Variants in CUL7 observed in about 807,000 individuals in gnomAD.
The protein encoded by CUL7 is cullin-7.
In CUL7, 96 loss-of-function variants were observed where a neutral mutation model predicts 177.7. The ratio of observed to expected loss-of-function variants is 0.54; its 90% CI spans 0.46 to 0.64. CUL7 has a LOEUF of 0.64. Ranked by LOEUF, CUL7 falls within the 30% of genes least tolerant of loss-of-function variation. The pLI is 0.00. For missense variants in CUL7, 1,893 were observed against 2,187.9 expected, an observed-to-expected ratio of 0.87 and a Z score of 2.69; for synonymous variants, 824 against 890.2, an observed-to-expected ratio of 0.93 and a Z score of 1.32.
intron 25 of CUL7, 118 bp downstream of exon 25, chr6:43,038,149 C>A: frequency 6.7e-7 from 1 of 1,488,068 alleles, no homozygotes; most frequent in South Asian, 1.2e-5. Context: ...ACTCCTCACA[C>A]TCCTACAGGC....
rs557754486 is a variant in CUL7 at position 43,040,818 on chromosome 6, C to A, written c.3807-72G>T. The A allele has an allele frequency of 7.9e-5, 126 of 1,603,392 alleles. No homozygotes were observed. In the African/African-American group the frequency reaches 1.5e-3, roughly 19 times the overall value. On this transcript the variant is annotated intron_variant, in intron 20 of 25. Transcript: ENST00000265348. The surrounding 1 kb of genome is among the most constrained non-coding windows in gnomAD (Gnocchi z 4.2). ...TGGCCCAGCCTCCCACTCCAAGGCT[C>A]CAGCCTGCCTCTATCCCAGACTTCC...
rs748661881 is a variant in CUL7 at position 43,037,859 on chromosome 6, C to T, written c.4926G>A (p.Gln1642=). 1.9e-6 allele frequency: 3 copies of T among 1,613,564 alleles called. No individual in the cohort carries two copies. The highest frequency in any genetic ancestry group is 2.7e-5 in the African/African-American group (2 of 74,884). The change falls in exon 26 of 26, where the codon CAG becomes CAA. Residue 1642 remains glutamine (Q), a synonymous_variant. Transcript: ENST00000265348. ...TCACAGGGACTGCATAGGACAGCAC[C>T]TGGGGCCGGTCGTCATGGCGTCTCA... is the stretch of plus-strand genomic sequence containing the variant. ...GTLRRHDDRP[Q]VLSYAVPVTV... is the part of the protein sequence containing the mutation.
In CUL7 at chr6:43,052,024, T is replaced by C. The variant is rs1374189814; in HGVS notation, c.580+185A>G. On this transcript the variant is annotated intron_variant, in intron 2 of 25. Coordinates refer to ENST00000265348, the MANE Select transcript of CUL7 (RefSeq NM_014780.5). The surrounding 1 kb of genome is among the most constrained non-coding windows in gnomAD (Gnocchi z 4.5). ...TGAGGTTCTTGAAGATAGTCTTTCC[T>C]CTTTTGGCAGATAACCCCCACCCTC... 1.8e-6 allele frequency: 2 copies of C among 1,135,818 alleles called. No individual in the cohort carries two copies. Among genetic ancestry groups the C allele is most frequent in the Non-Finnish European group, 2.5e-6 (2 of 811,128 alleles). The allele number at this position is 1,135,818 out of a possible 1,614,324, so 70.4% of individuals were successfully genotyped here.
rs372556236 is a variant in CUL7, at chr6:43,045,658, G to A, written c.2791C>T (p.Arg931Trp). ...GTCAGGTTCTCCAGGAGGATCACCC[G>A]GCTGGCAGAGGGCATCACATTCACC... ...NSVNVMPSASRVILLENLTRF... is the reference protein window; with the variant it reads ...NSVNVMPSASWVILLENLTRF... Residue 931 changes from arginine to tryptophan, a missense_variant, in exon 14 of 26, where the codon CGG (arginine) becomes TGG (tryptophan). Physicochemically the swap from Arg to Trp is moderately radical, Grantham distance 101. Coordinates refer to ENST00000265348, the MANE Select transcript of CUL7 (RefSeq NM_014780.5). The surrounding 1 kb of genome is among the most constrained non-coding windows in gnomAD (Gnocchi z 4.8). 3.3e-5 allele frequency: 53 copies of A among 1,614,070 alleles called. No homozygotes were observed. Among genetic ancestry groups the A allele is most frequent in the Non-Finnish European group, 4.2e-5 (50 of 1,180,032 alleles).
At chr6:43,042,058 A>AG (rs1763475650) in intron 19 of CUL7, among the ~76,000 whole-genome samples, 5 of 148,802 alleles carry the variant, frequency 3.4e-5, no homozygotes, top group Non-Finnish European at 7.4e-5. Flanking sequence ...AAAGAAAGAG[A>AG]AAGAGAGAAA....
chr6:43,052,252 C>G lies in CUL7; in HGVS notation c.537G>C (p.Trp179Cys). 1 of 1,614,252 alleles carries G rather than the reference C, an allele frequency of 6.2e-7. No individual in the cohort carries two copies. The highest frequency in any genetic ancestry group is 8.5e-7 in the Non-Finnish European group (1 of 1,180,050). The change falls in exon 2 of 26, where the codon TGG becomes TGC. Residue 179 changes from tryptophan (W) to cysteine (C), a missense_variant. Trp to Cys is a radical substitution (Grantham distance 215). This residue lies in a region of CUL7 where 653 missense variants were observed against 725.2 expected (regional missense o/e 0.90). Coordinates refer to ENST00000265348, the MANE Select transcript of CUL7 (RefSeq NM_014780.5). This position sits in a 1 kb window ranked among gnomAD's most constrained non-coding sequence, Gnocchi z 4.5. Reference protein sequence around the residue: ...MLSSPDYQIRWSAGRMIQALS... With the variant: ...MLSSPDYQIRCSAGRMIQALS... ...GGGCTTGTATCATCCGGCCTGCACT[C>G]CAGCGAATCTGATAATCAGGACTAC...
chr6:43,045,956 G>T lies in CUL7; in HGVS notation c.2766+30C>A, dbSNP rs1317619709. 1.3e-6 allele frequency: 2 copies of T among 1,538,064 alleles called. No individual in the cohort carries two copies. Among genetic ancestry groups the T allele is most frequent in the South Asian group, 1.1e-5 (1 of 89,478 alleles). On this transcript the variant is annotated intron_variant, in intron 13 of 25. Coordinates refer to ENST00000265348, the MANE Select transcript of CUL7 (RefSeq NM_014780.5). The surrounding 1 kb of genome is among the most constrained non-coding windows in gnomAD (Gnocchi z 4.8). ...AGGAGGGCAGATCCTGTGAGGGGTG[G>T]AGTAATGGCTAATGGCCCTGGGGTC...
chr6:43,043,675 G>C lies in CUL7; in HGVS notation c.3173-45C>G. 7.5e-7 allele frequency: 1 copy of C among 1,327,544 alleles called. No homozygotes were observed. Among genetic ancestry groups the C allele is most frequent in the South Asian group, 1.2e-5 (1 of 80,562 alleles). The allele number at this position is 1,327,544 out of a possible 1,614,324, so 82.2% of individuals were successfully genotyped here. ...AACCAAGGCACAGCCATGTCTGCAGGGAAGTGGGAGTGGTTGGGCTGAACA... is the reference window on the plus strand; with the variant it reads ...AACCAAGGCACAGCCATGTCTGCAGCGAAGTGGGAGTGGTTGGGCTGAACA... On this transcript the variant is annotated intron_variant, in intron 16 of 25. Transcript: ENST00000265348. The surrounding 1 kb of genome is among the most constrained non-coding windows in gnomAD (Gnocchi z 4.2).
Position 43,043,475 on chromosome 6 carries a change from G to T in CUL7, c.3328C>A (p.Pro1110Thr). The T allele has an allele frequency of 1.2e-6, 2 of 1,614,020 alleles. No homozygotes were observed. Among genetic ancestry groups the T allele is most frequent in the Non-Finnish European group, 1.7e-6 (2 of 1,179,928 alleles). The change falls in exon 17 of 26, where the codon CCT (proline) becomes ACT (threonine). Residue 1110 changes from proline to threonine, a missense_variant. Transcript: ENST00000265348. The surrounding 1 kb of genome is among the most constrained non-coding windows in gnomAD (Gnocchi z 4.2). ...LVHVEPCEAP[P>T]PVVATPRPKG... ...GGCCGAGGAGTGGCCACCACAGGAG[G>T]GGGTGCCTCACAGGGCTCGACATGC...
In CUL7 at chr6:43,042,913, A is replaced by G. The variant is rs1417272122; in HGVS notation, c.3534T>C (p.Ile1178=). The change falls in exon 19 of 26, where the codon ATT becomes ATC. Residue 1178 remains isoleucine, a synonymous_variant. Coordinates refer to ENST00000265348, the MANE Select transcript of CUL7 (RefSeq NM_014780.5). The part of the protein sequence containing the change: ...FVPRYCEHFN[I]LQNSSSELFG... Reference sequence around the variant, plus strand: ...ACAGTTCAGAGCTTGAGTTCTGCAGAATATTAAAGTGCTCACAGTAGCGTG... The same window carrying G: ...ACAGTTCAGAGCTTGAGTTCTGCAGGATATTAAAGTGCTCACAGTAGCGTG... 6.2e-7 allele frequency: 1 copy of G among 1,614,144 alleles called. No homozygotes were observed. Among genetic ancestry groups the G allele is most frequent in the Non-Finnish European group, 8.5e-7 (1 of 1,180,008 alleles).
rs766174585 is a variant in CUL7, at chr6:43,052,814, AAG to A, written c.-8-20_-8-19del. Reference sequence around the variant, plus strand: ...CCTGGCACCTGGAGCACACAAGGAAAAGAGAACAGACAAGCTAGAGGAAGGAG... The same window carrying A: ...CCTGGCACCTGGAGCACACAAGGAAAAGAACAGACAAGCTAGAGGAAGGAG... On this transcript the variant is annotated intron_variant, in intron 1 of 25. Coordinates refer to ENST00000265348, the MANE Select transcript of CUL7 (RefSeq NM_014780.5). The surrounding 1 kb of genome is among the most constrained non-coding windows in gnomAD (Gnocchi z 4.5). 6.3e-7 allele frequency: 1 copy of A among 1,598,956 alleles called. No individual in the cohort carries two copies. The highest frequency in any genetic ancestry group is 1.1e-5 in the South Asian group (1 of 90,916).
Position 43,050,275 on chromosome 6 carries a change from T to C in CUL7, c.1357A>G (p.Arg453Gly). The change falls in exon 5 of 26, where the codon AGA becomes GGA. Residue 453 changes from arginine to glycine, a missense_variant. Physicochemically the swap from Arg to Gly is moderately radical, Grantham distance 125 (BLOSUM62 -2). Around this residue, in one of 5 missense-constraint regions of CUL7, gnomAD observed 653 missense variants for 725.2 expected, o/e 0.90. Coordinates refer to ENST00000265348, the MANE Select transcript of CUL7 (RefSeq NM_014780.5). This position sits in a 1 kb window ranked among gnomAD's most constrained non-coding sequence, Gnocchi z 4.1. ...CTGAGCTCACCTCTACCCAGGACTCTACTGGCCACTGCCCCTTGGTACTCA... is the reference window on the plus strand; with the variant it reads ...CTGAGCTCACCTCTACCCAGGACTCCACTGGCCACTGCCCCTTGGTACTCA... ...ADEYQGAVASRVLGRALPAWR... is the reference protein window; with the variant it reads ...ADEYQGAVASGVLGRALPAWR... The C allele has an allele frequency of 1.9e-6, 3 of 1,614,196 alleles. No individual in the cohort carries two copies. The highest frequency in any genetic ancestry group is 2.5e-6 in the Non-Finnish European group (3 of 1,180,024).
rs1764490138 is a variant in CUL7, at chr6:43,052,378, T to C, written c.411A>G (p.Leu137=). The C allele has an allele frequency of 6.2e-7, 1 of 1,614,206 alleles. No individual in the cohort carries two copies. Among genetic ancestry groups the C allele is most frequent in the Non-Finnish European group, 8.5e-7 (1 of 1,180,030 alleles). ...ECVGTIPPAP[L]LHTVHVLSAY... is the part of the protein sequence containing the mutation. The stretch of plus-strand genomic sequence containing the variant: ...CGCTGAGCACGTGGACAGTGTGAAG[T>C]AGAGGAGCAGGAGGGATAGTGCCCA... The change falls in exon 2 of 26, where the codon CTA becomes CTG. Residue 137 remains leucine (L), a synonymous_variant. Transcript: ENST00000265348. The surrounding 1 kb of genome is among the most constrained non-coding windows in gnomAD (Gnocchi z 4.5).
Position 43,052,901 on chromosome 6 carries a change from G to A in CUL7, c.-8-105C>T, listed in dbSNP as rs537522522. 893 of 1,258,402 alleles carry A rather than the reference G, an allele frequency of 7.1e-4. 7 individuals carry two copies. The South Asian group carries it at 9.7e-3, about 14-fold the overall frequency. The allele number at this position is 1,258,402 out of a possible 1,614,324, so 78.0% of individuals were successfully genotyped here. ...AAGCAAATGGCAACAGCTGTCAGGC[G>A]GGGTGGGGTAAAGCCAGGCCCAGGA... On this transcript the variant is annotated intron_variant, in intron 1 of 25. Coordinates refer to ENST00000265348, the MANE Select transcript of CUL7 (RefSeq NM_014780.5). The surrounding 1 kb of genome is among the most constrained non-coding windows in gnomAD (Gnocchi z 4.5).
At position 43,040,587 on chromosome 6, in the gene CUL7, C is replaced by T; in HGVS notation, c.3966G>A (p.Gln1322=). 1 of 1,614,238 alleles carries T rather than the reference C, an allele frequency of 6.2e-7. No homozygotes were observed. The highest frequency in any genetic ancestry group is 8.5e-7 in the Non-Finnish European group (1 of 1,180,044). ...KELQRQFHVY[Q]LQQLDQELLK... ...GGAGTTCCTGATCCAGCTGCTGGAG[C>T]TGGTAGACGTGGAACTGGCGCTGCA... is the stretch of plus-strand genomic sequence containing the variant. The change falls in exon 21 of 26, where the codon CAG becomes CAA. Residue 1322 remains glutamine (Q), a synonymous_variant. Coordinates refer to ENST00000265348, the MANE Select transcript of CUL7 (RefSeq NM_014780.5). The surrounding 1 kb of genome is among the most constrained non-coding windows in gnomAD (Gnocchi z 4.2).
chr6:43,051,123 G>T lies in CUL7; in HGVS notation c.1078C>A (p.Arg360Ser). The T allele has an allele frequency of 1.9e-6, 3 of 1,614,212 alleles. No individual in the cohort carries two copies. The highest frequency in any genetic ancestry group is 2.5e-6 in the Non-Finnish European group (3 of 1,180,050). ...GTATTGCCACTTGCGAACTCAGAAC[G>T]AGGGCGAAAACGTCTTGACCTCCTG... ...SFRRSRRFRP[R>S]SEFASGNTYA... Residue 360 changes from arginine to serine, a missense_variant, in exon 4 of 26, where the codon CGT becomes AGT. Physicochemically the swap from Arg to Ser is moderately radical, Grantham distance 110. Around this residue, in one of 5 missense-constraint regions of CUL7, gnomAD observed 653 missense variants for 725.2 expected, o/e 0.90. Transcript: ENST00000265348. The surrounding 1 kb of genome is among the most constrained non-coding windows in gnomAD (Gnocchi z 5.0).
At chr6:43,039,366 T>G (rs1286406366) in intron 22 of CUL7, among the ~76,000 whole-genome samples, 2 of 152,192 alleles carry the variant, frequency 1.3e-5, no homozygotes, top group African/African-American at 2.4e-5. Flanking sequence ...TGACCACAGG[T>G]CTGAGCCTCT....
chr6:43,046,540 A>C lies in CUL7; in HGVS notation c.2459T>G (p.Phe820Cys), dbSNP rs1353267088. ...GCACAGGTATCTGAGGAACACATCA[A>C]AGAAAGGGATGTTGATGGGTTGGTG... is the stretch of plus-strand genomic sequence containing the variant. The part of the protein sequence containing the change: ...RTHQPINIPF[F>C]DVFLRYLCQG... The change falls in exon 11 of 26, where the codon TTT (phenylalanine) becomes TGT (cysteine). Residue 820 changes from phenylalanine (F) to cysteine (C), a missense_variant. Coordinates refer to ENST00000265348, the MANE Select transcript of CUL7 (RefSeq NM_014780.5). 1 of 1,614,194 alleles carries C rather than the reference A, an allele frequency of 6.2e-7. No homozygotes were observed. Among genetic ancestry groups the C allele is most frequent in the Admixed American group, 1.7e-5 (1 of 60,010 alleles).
At position 43,043,120 on chromosome 6, in the gene CUL7, A is replaced by C. The variant is rs77965460; in HGVS notation, c.3416T>G (p.Ile1139Ser). ...CCAACAGCGCGTCAGGTTTCTCATG[A>C]TGCTGCTTGGAAGGCCCCGGGTAGC... ...SLATRGLPSSIMRNLTRCWRA... is the reference protein window; with the variant it reads ...SLATRGLPSSSMRNLTRCWRA... The change falls in exon 18 of 26, where the codon ATC becomes AGC. Residue 1139 changes from isoleucine to serine, a missense_variant. Around this residue, in one of 5 missense-constraint regions of CUL7, gnomAD observed 973 missense variants for 1,140.9 expected, o/e 0.85. Transcript: ENST00000265348. This position sits in a 1 kb window ranked among gnomAD's most constrained non-coding sequence, Gnocchi z 4.2. The C allele has an allele frequency of 1.9e-6, 3 of 1,614,056 alleles. No homozygotes were observed. Among genetic ancestry groups the C allele is most frequent in the Non-Finnish European group, 2.5e-6 (3 of 1,180,020 alleles).
Sources: allele counts gnomAD v4.1 joint callset (sites outside exome capture counted in the v4.1 genomes callset), GRCh38; gene constraint gnomAD v4.1.1; regional missense constraint gnomAD v4.1.1; non-coding constraint Gnocchi (gnomAD v3.1); transcripts MANE v1.5; gene names NCBI Gene and HGNC (gene_info 2026-07-23, HGNC 2026-07-21).